IQGAP2: variants seen among roughly 807,000 people sequenced by gnomAD.
The protein encoded by IQGAP2 is ras GTPase-activating-like protein IQGAP2.
A neutral mutation model predicts 201.3 loss-of-function variants in IQGAP2; 173 were observed. The ratio of observed to expected loss-of-function variants is 0.86; its 90% confidence interval spans 0.76 to 0.98. The LOEUF is 0.98. Ranked by LOEUF, IQGAP2 falls within the 50% of genes least tolerant of loss-of-function variation. The pLI, the probability that IQGAP2 is intolerant of heterozygous loss-of-function variation, is 0.00. For missense variants in IQGAP2, 1,687 were observed against 1,864.8 expected (o/e 0.90, Z 1.76); for synonymous variants, 675 against 673.9 (o/e 1.00, Z -0.03).
chr5:76,615,647 C>T (rs78370291), intron 13 of IQGAP2: 1 of 152,298 alleles, frequency 6.6e-6, no homozygotes, highest in East Asian at 1.9e-4. Flanking sequence ...CTAATATCTT[C>T]CCTGCTGTCT....
At chr5:76,447,648 G>T (rs1326643994) in intron 1 of IQGAP2, among the ~76,000 whole-genome samples, 1 of 152,158 alleles carries the variant, frequency 6.6e-6, no homozygotes, top group East Asian at 1.9e-4. Context: ...GCTAAGCTGG[G>T]GTGGGTGCTT....
intron 4 of IQGAP2, among the ~76,000 whole-genome samples, chr5:76,573,060 T>C (rs533433815): frequency 6.6e-5 from 10 of 152,366 alleles, no homozygotes; most frequent in African/African-American, 2.4e-4. Flanking sequence ...CTGGCTGTAA[T>C]ACATAATTCA....
chr5:76,689,479 TC>T (rs1277607110), intron 30 of IQGAP2, among the ~76,000 whole-genome samples: 1 of 152,200 alleles, frequency 6.6e-6, no homozygotes, highest in Non-Finnish European at 1.5e-5. Flanking sequence ...TGTCAACCTT[TC>T]ATTATAACTT....
At chr5:76,588,766 A>G in intron 5 of IQGAP2, 140 bp from the exon 6 acceptor site, 1 of 420,914 alleles carries the variant, frequency 2.4e-6, no homozygotes, top group Non-Finnish European at 4.3e-6. Flanking sequence ...CCAGAGACTC[A>G]GTTTCCTCAT....
At chr5:76,448,117 A>G (rs910819201) in intron 1 of IQGAP2, among the ~76,000 whole-genome samples, 1 of 152,182 alleles carries the variant, frequency 6.6e-6, no homozygotes, top group Non-Finnish European at 1.5e-5. Flanking sequence ...AGACTGCTGC[A>G]TGGCTGTGCT....
At chr5:76,536,459 T>A (rs1022326673) in intron 2 of IQGAP2, among the ~76,000 whole-genome samples, 2 of 152,012 alleles carry the variant, frequency 1.3e-5, no homozygotes, top group East Asian at 3.9e-4. Context: ...CTTTTTCTTT[T>A]TTAAAGAACT....
chr5:76,640,580 C>T (rs1468643866), intron 16 of IQGAP2, among the ~76,000 whole-genome samples: 1 of 152,148 alleles, frequency 6.6e-6, no homozygotes, highest in African/African-American at 2.4e-5. Context: ...CCGAGGGAAG[C>T]GGGAGGTGAT....
chr5:76,686,652 G>A (rs928525744), intron 30 of IQGAP2, among the ~76,000 whole-genome samples: 10 of 152,232 alleles, frequency 6.6e-5, no homozygotes, highest in African/African-American at 2.4e-4. Flanking sequence ...TGGGACTACA[G>A]GTGTCTGCCA....
At chr5:76,486,445 T>G (rs923658254) in intron 2 of IQGAP2, among the ~76,000 whole-genome samples, 1 of 152,216 alleles carries the variant, frequency 6.6e-6, no homozygotes, top group African/African-American at 2.4e-5. Context: ...CTTATATTAA[T>G]ATACTGCTTT....
At chr5:76,617,564 T>C in intron 13 of IQGAP2, 3 of 1,581,486 alleles carry the variant, frequency 1.9e-6, no homozygotes, top group Non-Finnish European at 2.6e-6. Flanking sequence ...GCTGTCCTTG[T>C]TCTCTAAGAT....
At chr5:76,623,464 G>T (rs566533300) in intron 13 of IQGAP2, 23 of 522,616 alleles carry the variant, frequency 4.4e-5, no homozygotes, top group Middle Eastern at 1.0e-3. Context: ...AACGTGTTAC[G>T]TTATCCCTGG....
At chr5:76,666,858 C>G (rs969095534) in intron 22 of IQGAP2, among the ~76,000 whole-genome samples, 2 of 152,162 alleles carry the variant, frequency 1.3e-5, no homozygotes, top group African/African-American at 4.8e-5. Context: ...ATCCTCCCAC[C>G]TTGGCCTCCT....
Position 76,618,898 on chromosome 5 carries a change from C to A in IQGAP2, c.1521+7715C>A, listed in dbSNP as rs1207103462. 6.6e-6 allele frequency among the ~76,000 whole-genome samples: 1 copy of A among 152,058 alleles called. No homozygotes were observed. The highest frequency in any genetic ancestry group is 1.5e-5 in the Non-Finnish European group (1 of 67,976). ...GTGTTTATAATACTATTAGAAGAAA[C>A]AAAAACAGCCCATCAGAACATTATA... On this transcript the variant is annotated intron_variant, in intron 13 of 35. Transcript: ENST00000274364.
intron 2 of IQGAP2, among the ~76,000 whole-genome samples, chr5:76,509,716 T>G (rs1004782776): frequency 6.6e-6 from 1 of 152,090 alleles, no homozygotes; most frequent in Non-Finnish European, 1.5e-5. Flanking sequence ...TTAAACTGTC[T>G]TTATGTCTAG....
intron 12 of IQGAP2, among the ~76,000 whole-genome samples, chr5:76,610,620 TTGAA>T (rs1205054171): frequency 6.6e-6 from 1 of 152,038 alleles, no homozygotes; most frequent in Non-Finnish European, 1.5e-5. Flanking sequence ...AGAAGTTGCA[TTGAA>T]TCTGTAGGTC....
chr5:76,704,056 G>A (rs1283933652), intron 35 of IQGAP2, among the ~76,000 whole-genome samples: 5 of 152,176 alleles, frequency 3.3e-5, no homozygotes, highest in South Asian at 4.1e-4. Context: ...ATTAGAATTC[G>A]GAGATAAGAT....
intron 13 of IQGAP2, chr5:76,618,651 G>GA: frequency 6.3e-7 from 1 of 1,596,916 alleles, no homozygotes; most frequent in African/African-American, 1.3e-5. Flanking sequence ...GCCTGTAATT[G>GA]AAAGAAAGTA....
chr5:76,654,198 A>G lies in IQGAP2; in HGVS notation c.2179-2A>G. ...ACTTTTCTATTTTTTAAAACCTTTC[A>G]GATTCAGTCCTGGTTCCGAATGGCA... is the stretch of plus-strand genomic sequence containing the variant. On this transcript the variant is annotated splice_acceptor_variant, in intron 18 of 35. Transcript: ENST00000274364. LOFTEE classifies it high-confidence loss of function. The G allele has an allele frequency of 6.3e-7, 1 of 1,598,874 alleles. No individual in the cohort carries two copies. The highest frequency in any genetic ancestry group is 8.5e-7 in the Non-Finnish European group (1 of 1,170,934).
chr5:76,641,595 A>G (rs1274626121), intron 17 of IQGAP2, among the ~76,000 whole-genome samples: 7 of 152,186 alleles, frequency 4.6e-5, no homozygotes, highest in African/African-American at 7.2e-5. Context: ...AGAAACCTTC[A>G]TTCCCAATTT....
Sources: gnomAD v4.1 joint callset for allele counts (sites outside exome capture counted in the v4.1 genomes callset) on GRCh38, gnomAD v4.1.1 for gene constraint, MANE v1.5 for transcripts, NCBI Gene and HGNC (gene_info 2026-07-23, HGNC 2026-07-21) for gene names.